The following NEU3 variants were observed in gnomAD, a reference collection of about 807,000 sequenced individuals.
NEU3 encodes neuraminidase 3, also known as sialidase-3.
In NEU3, 10 loss-of-function variants were observed where a neutral mutation model predicts 11.4. The observed-to-expected ratio is 0.88, with a 90% CI of 0.54 to 1.49. The LOEUF (loss-of-function observed/expected upper bound fraction) is 1.49. Ranked by LOEUF, NEU3 falls within the 40% of genes most tolerant of loss-of-function variation. The probability of loss-of-function intolerance (pLI) is 0.00; values close to 1 mark genes in which losing one functional copy is unlikely to be tolerated. For missense variants in NEU3, 529 were observed against 581.8 expected, an observed-to-expected ratio of 0.91 and a Z score of 0.93; for synonymous variants, 212 against 228.2, an observed-to-expected ratio of 0.93 and a Z score of 0.64.
upstream of NEU3, among the ~76,000 whole-genome samples, chr11:74,987,932 A>G (rs1948687468): frequency 9.6e-6 from 1 of 104,306 alleles, no homozygotes; most frequent in Non-Finnish European, 1.8e-5. Context: ...AAAATACAGC[A>G]GGTTGTATTG....
rs765700356 is a variant in NEU3, at chr11:75,006,122, T to C, written c.1016T>C (p.Ile339Thr). Residue 339 changes from isoleucine (I) to threonine (T), a missense_variant, in exon 3 of 3, where the codon ATT becomes ACT. Coordinates refer to ENST00000294064, the MANE Select transcript of NEU3 (RefSeq NM_006656.6). ...TCTAGCAGCAAAGATGCACCCACCATTCAGCAGAGCTCTCCAGGCAGTTCA... is the reference window on the plus strand; with the variant it reads ...TCTAGCAGCAAAGATGCACCCACCACTCAGCAGAGCTCTCCAGGCAGTTCA... ...QDSSSKDAPT[I>T]QQSSPGSSLR... 6.8e-6 allele frequency: 11 copies of C among 1,613,948 alleles called. No homozygotes were observed. Among genetic ancestry groups the C allele is most frequent in the Non-Finnish European group, 8.5e-6 (10 of 1,179,860 alleles).
chr11:74,998,814 C>T (rs1191628583), intron 2 of NEU3, among the ~76,000 whole-genome samples: 7 of 152,188 alleles, frequency 4.6e-5, no homozygotes, highest in Non-Finnish European at 5.9e-5. Flanking sequence ...TTCTCATGGC[C>T]TCCCAGGACC....
chr11:74,984,899 T>C (rs187136654), upstream of NEU3, among the ~76,000 whole-genome samples: 763 of 152,164 alleles, frequency 5.0e-3, 5 homozygotes, highest in Admixed American at 9.2e-3. Context: ...AACTGAACCA[T>C]GAGTGAGGAG....
chr11:74,989,013 C>A lies in NEU3; in HGVS notation c.-48C>A. 7.2e-7 allele frequency: 1 copy of A among 1,398,204 alleles called. No homozygotes were observed. Among genetic ancestry groups the A allele is most frequent in the Non-Finnish European group, 9.9e-7 (1 of 1,010,198 alleles). The allele number at this position is 1,398,204 out of a possible 1,614,324, so 86.6% of individuals were successfully genotyped here. A position where few individuals can be genotyped will look rare whatever the true frequency, so the allele number is the denominator to read the frequency against. On this transcript the variant is annotated 5_prime_UTR_variant, in exon 1 of 3. Coordinates refer to ENST00000294064, the MANE Select transcript of NEU3 (RefSeq NM_006656.6). ...TTTCTCCCTCTCTATCCTCCTCTGT[C>A]TCAGTCTCCCCAGCCTTGGGGCCGG...
Position 75,005,886 on chromosome 11 carries a change from A to G in NEU3, c.780A>G (p.Glu260=), listed in dbSNP as rs750872545. ...LIRPMVTVEC[E]VAEVTGRAGH... ...GGCCCATGGTTACAGTAGAATGTGA[A>G]GTGGCAGAGGTGACTGGGAGGGCTG... The change falls in exon 3 of 3, where the codon GAA becomes GAG. Residue 260 remains glutamate, a synonymous_variant. Coordinates refer to ENST00000294064, the MANE Select transcript of NEU3 (RefSeq NM_006656.6). 3 of 1,613,748 alleles carry G rather than the reference A, an allele frequency of 1.9e-6. No homozygotes were observed. In the Admixed American group the frequency reaches 5.0e-5, roughly 27 times the overall value.
At position 75,006,355 on chromosome 11, in the gene NEU3, T is replaced by C; in HGVS notation, c.1249T>C (p.Cys417Arg). 1 of 1,613,938 alleles carries C rather than the reference T, an allele frequency of 6.2e-7. No homozygotes were observed. Among genetic ancestry groups the C allele is most frequent in the Non-Finnish European group, 8.5e-7 (1 of 1,179,876 alleles). ...AALEEEGLFG[C>R]LFECGTKQEC... ...TCTGGAGGAGGAGGGCTTGTTTGGGTGTTTGTTTGAATGTGGGACCAAGCA... is the reference window on the plus strand; with the variant it reads ...TCTGGAGGAGGAGGGCTTGTTTGGGCGTTTGTTTGAATGTGGGACCAAGCA... The change falls in exon 3 of 3, where the codon TGT becomes CGT. Residue 417 changes from cysteine to arginine, a missense_variant. Cys to Arg is a radical substitution (Grantham distance 180). Coordinates refer to ENST00000294064, the MANE Select transcript of NEU3 (RefSeq NM_006656.6).
upstream of NEU3, among the ~76,000 whole-genome samples, chr11:74,987,429 T>C (rs888614837): frequency 6.0e-4 from 91 of 152,332 alleles, no homozygotes; most frequent in African/African-American, 2.1e-3. Context: ...TAAGATGTTC[T>C]AGGCTAATCT....
At position 74,994,504 on chromosome 11, in the gene NEU3, T is replaced by C; in HGVS notation, c.95-5T>C. 1 of 1,600,800 alleles carries C rather than the reference T, an allele frequency of 6.2e-7. No homozygotes were observed. Among genetic ancestry groups the C allele is most frequent in the South Asian group, 1.1e-5 (1 of 89,014 alleles). On this transcript the variant is annotated splice_polypyrimidine_tract_variant and splice_region_variant and intron_variant, in intron 1 of 2. Coordinates refer to ENST00000294064, the MANE Select transcript of NEU3 (RefSeq NM_006656.6). ...CACACATTAAGCTTCCTTCTATCCT[T>C]GCAGAGGTCATGGAAGAAGTGACAA...
intron 2 of NEU3, among the ~76,000 whole-genome samples, chr11:74,998,499 TA>T (rs985749405): frequency 2.0e-5 from 3 of 152,030 alleles, no homozygotes; most frequent in Admixed American, 6.6e-5. Flanking sequence ...GAGTCTTTTG[TA>T]AAAAAAATAT....
intron 3 of NEU3, among the ~76,000 whole-genome samples, chr11:75,017,168 G>C (rs1948983936): frequency 6.6e-6 from 1 of 152,182 alleles, no homozygotes; most frequent in South Asian, 2.1e-4. Context: ...GGGAGAGTAG[G>C]CTTCCATGTC....
chr11:74,989,032 G>A lies in NEU3; in HGVS notation c.-29G>A, dbSNP rs1322594235. 3.9e-6 allele frequency: 6 copies of A among 1,525,950 alleles called. No individual in the cohort carries two copies. Among genetic ancestry groups the A allele is most frequent in the Admixed American group, 3.9e-5 (2 of 50,886 alleles). 94.5% of individuals were successfully genotyped at this position (1,525,950 alleles called of 1,614,324 possible). A position where few individuals can be genotyped will look rare whatever the true frequency, so the allele number is the denominator to read the frequency against. On this transcript the variant is annotated 5_prime_UTR_variant, in exon 1 of 3. Coordinates refer to ENST00000294064, the MANE Select transcript of NEU3 (RefSeq NM_006656.6). ...CTCTGTCTCAGTCTCCCCAGCCTTG[G>A]GGCCGGTGCCTCTTCCGGGCTTCGG...
intron 2 of NEU3, among the ~76,000 whole-genome samples, chr11:74,995,852 T>C (rs1948785755): frequency 6.6e-6 from 1 of 151,904 alleles, no homozygotes; most frequent in Non-Finnish European, 1.5e-5. Context: ...ACATAGATAA[T>C]TTCTTAAAAT....
the NEU3 span, among the ~76,000 whole-genome samples, chr11:74,981,260 G>C: frequency 2.6e-5 from 4 of 152,082 alleles, no homozygotes; most frequent in African/African-American, 9.7e-5. Flanking sequence ...CAGGCTCTTA[G>C]TGCCACAGAG....
chr11:75,009,667 C>T lies in NEU3; in HGVS notation c.*3175C>T, dbSNP rs1459055395. The T allele has an allele frequency of 6.6e-6, 1 of 152,308 alleles. No homozygotes were observed. The highest frequency in any genetic ancestry group is 2.4e-5 in the African/African-American group (1 of 41,428). 9.4% of individuals were successfully genotyped at this position (152,308 alleles called of 1,614,324 possible). On this transcript the variant is annotated 3_prime_UTR_variant, in exon 3 of 3. Coordinates refer to ENST00000294064, the MANE Select transcript of NEU3 (RefSeq NM_006656.6). ...AGGAGCCCCCTTCCTGTCCCTTGGA[C>T]TCAGAATGGATCCTTCCAGCACACA...
At chr11:74,983,281 T>A (rs1013724191), upstream of NEU3, among the ~76,000 whole-genome samples, 1 of 152,184 alleles carries the variant, frequency 6.6e-6, no homozygotes, top group African/African-American at 2.4e-5. Context: ...TTAATTGAAC[T>A]AGGAAAGTTT....
upstream of NEU3, among the ~76,000 whole-genome samples, chr11:74,987,275 G>A (rs188437820): frequency 1.4e-4 from 21 of 152,252 alleles, no homozygotes; most frequent in East Asian, 3.1e-3. Context: ...TTCTCCATAT[G>A]TCGATATGAA....
chr11:74,984,736 A>G (rs1285355748), upstream of NEU3, among the ~76,000 whole-genome samples: 2 of 152,146 alleles, frequency 1.3e-5, no homozygotes, highest in African/African-American at 4.8e-5. Context: ...GCCAGGCCTG[A>G]TCCCCTCGCT....
intron 3 of NEU3, among the ~76,000 whole-genome samples, chr11:75,016,538 AGTTT>A (rs1481204660): frequency 2.0e-5 from 3 of 152,158 alleles, no homozygotes; most frequent in Admixed American, 1.3e-4. Context: ...GTGGGTGCCA[AGTTT>A]GTTTGTTTAC....
At chr11:74,983,922 T>A (rs1948652741), upstream of NEU3, among the ~76,000 whole-genome samples, 1 of 152,244 alleles carries the variant, frequency 6.6e-6, no homozygotes. Context: ...TTGTTGGTTT[T>A]TTTTTCCTAC....
Sources: gnomAD v4.1 joint callset for allele counts (sites outside exome capture counted in the v4.1 genomes callset) on GRCh38, gnomAD v4.1.1 for gene constraint, MANE v1.5 for transcripts, NCBI Gene and HGNC (gene_info 2026-07-23, HGNC 2026-07-21) for gene names.